The following PRPSAP1 variants were observed in gnomAD, a reference collection of about 807,000 sequenced individuals.
PRPSAP1 encodes the protein phosphoribosyl pyrophosphate synthetase associated protein 1.
PRPSAP1 carries 31 observed loss-of-function variants against 39.4 expected under a neutral mutation model. That is an observed-to-expected ratio of 0.79 (90% CI 0.59 to 1.06). The LOEUF (loss-of-function observed/expected upper bound fraction) is 1.06. Ranked by LOEUF, PRPSAP1 falls within the 50% of genes least tolerant of loss-of-function variation. The pLI is 0.00. For missense variants in PRPSAP1, 430 were observed against 511.6 expected (o/e 0.84, Z 1.54); for synonymous variants, 212 against 192.6 (o/e 1.10, Z -0.83).
Position 76,344,730 on chromosome 17 carries a change from T to C in PRPSAP1, c.231A>G (p.Arg77=), listed in dbSNP as rs1356716827. 6.4e-7 allele frequency: 1 copy of C among 1,569,150 alleles called. No individual in the cohort carries two copies. The highest frequency in any genetic ancestry group is 8.7e-7 in the Non-Finnish European group (1 of 1,150,960). The change falls in exon 3 of 10, where the codon AGA becomes AGG. Residue 77 remains arginine (R), a synonymous_variant. Transcript: ENST00000446526. ...CACGAACAGATTCTTTTATTTCAAC[T>C]CTTGTTTCTGAAAAATAAAAATGTT... is the stretch of plus-strand genomic sequence containing the variant. The part of the protein sequence containing the change: ...VVYQETNGET[R]VEIKESVRGQ...
chr17:76,310,154 AC>A lies in PRPSAP1; in HGVS notation c.*1387del, dbSNP rs1180101387. 4.0e-5 allele frequency: 6 copies of A among 150,520 alleles called. No individual in the cohort carries two copies. Among genetic ancestry groups the A allele is most frequent in the Admixed American group, 1.3e-4 (2 of 15,116 alleles). The allele number at this position is 150,520 out of a possible 1,614,324, so 9.3% of individuals were successfully genotyped here. On this transcript the variant is annotated 3_prime_UTR_variant, in exon 10 of 10. Coordinates refer to ENST00000446526, the MANE Select transcript of PRPSAP1 (RefSeq NM_002766.3). ...ACAGGCGTGCACCCCCTCCCCCAAC[AC>A]CCGGCTAATTTTTGTATTTTTAGTA... is the stretch of plus-strand genomic sequence containing the variant.
intron 1 of PRPSAP1, 78 bp from the exon 2 acceptor site, chr17:76,348,659 A>ATTTTTTTTT (rs2071536684): frequency 1.9e-6 from 2 of 1,052,554 alleles, no homozygotes; most frequent in Non-Finnish European, 2.7e-6. Flanking sequence ...GCATATGTCT[A>ATTTTTTTTT]ATAAAAAGAC....
intron 3 of PRPSAP1, among the ~76,000 whole-genome samples, chr17:76,337,736 T>G (rs982863929): frequency 1.3e-5 from 2 of 152,100 alleles, no homozygotes; most frequent in African/African-American, 4.8e-5. Flanking sequence ...CTTCCGAATA[T>G]CTGGGATTAC....
Position 76,353,662 on chromosome 17 carries a change from G to A in PRPSAP1, c.42C>T (p.Ser14=). ...KLLLLPPPSA[S]SAFRVPRARP... is the part of the protein sequence containing the mutation. The stretch of plus-strand genomic sequence containing the variant: ...GGGCGCGCGGGACGCGGAAAGCCGA[G>A]GACGCGGAGGGCGGGGGCAACAGCA... The change falls in exon 1 of 10, where the codon TCC becomes TCT. Residue 14 remains serine (S), a synonymous_variant. Coordinates refer to ENST00000446526, the MANE Select transcript of PRPSAP1 (RefSeq NM_002766.3). 6.6e-7 allele frequency: 1 copy of A among 1,525,994 alleles called. No homozygotes were observed. Among genetic ancestry groups the A allele is most frequent in the East Asian group, 2.6e-5 (1 of 38,374 alleles). The allele number at this position is 1,525,994 out of a possible 1,614,324, so 94.5% of individuals were successfully genotyped here.
intron 3 of PRPSAP1, among the ~76,000 whole-genome samples, chr17:76,336,275 T>C (rs1159521684): frequency 6.6e-6 from 1 of 151,974 alleles, no homozygotes; most frequent in Non-Finnish European, 1.5e-5. Context: ...CCGTCTCTAC[T>C]AAAAATTCAA....
chr17:76,344,359 G>A (rs2071472638), intron 3 of PRPSAP1, among the ~76,000 whole-genome samples: 1 of 152,154 alleles, frequency 6.6e-6, no homozygotes, highest in South Asian at 2.1e-4. Flanking sequence ...TCGATCTCCT[G>A]ACCTCGTGAT....
chr17:76,351,139 T>A (rs1182160254), intron 1 of PRPSAP1, among the ~76,000 whole-genome samples: 2 of 152,062 alleles, frequency 1.3e-5, no homozygotes, highest in Non-Finnish European at 2.9e-5. Flanking sequence ...AGCTCACGCC[T>A]ATAATCCCAG....
intron 3 of PRPSAP1, among the ~76,000 whole-genome samples, chr17:76,342,096 GACCCTC>G (rs1306118451): frequency 2.6e-5 from 4 of 152,074 alleles, no homozygotes; most frequent in Non-Finnish European, 5.9e-5. Context: ...ACAGGGCATG[GACCCTC>G]ACAACCAGAA....
intron 3 of PRPSAP1, among the ~76,000 whole-genome samples, chr17:76,341,063 T>C (rs752066830): frequency 6.6e-6 from 1 of 151,978 alleles, no homozygotes; most frequent in African/African-American, 2.4e-5. Context: ...AGATGATCCC[T>C]AAATACATGT....
intron 2 of PRPSAP1, among the ~76,000 whole-genome samples, chr17:76,346,717 T>C (rs1249999938): frequency 1.3e-5 from 2 of 152,362 alleles, no homozygotes; most frequent in African/African-American, 4.8e-5. Context: ...AGTGGCTTTC[T>C]GATTTTTGGT....
At chr17:76,327,838 A>G (rs1567802259) in intron 7 of PRPSAP1, among the ~76,000 whole-genome samples, 2 of 152,192 alleles carry the variant, frequency 1.3e-5, no homozygotes, top group South Asian at 2.1e-4. Context: ...AGAACCGTCC[A>G]TACACAGTCT....
intron 3 of PRPSAP1, among the ~76,000 whole-genome samples, chr17:76,335,366 T>C (rs559962300): frequency 1.3e-5 from 2 of 152,180 alleles, no homozygotes; most frequent in East Asian, 1.9e-4. Context: ...TTTTTTGTTT[T>C]GTTTTGGAGA....
At chr17:76,334,661 G>A (rs2071360342) in intron 3 of PRPSAP1, among the ~76,000 whole-genome samples, 1 of 151,948 alleles carries the variant, frequency 6.6e-6, no homozygotes, top group South Asian at 2.1e-4. Context: ...ATGTCTCCCT[G>A]AGGAGACTGA....
At chr17:76,333,681 C>T (rs193163538) in intron 3 of PRPSAP1, among the ~76,000 whole-genome samples, 1 of 151,880 alleles carries the variant, frequency 6.6e-6, no homozygotes, top group Non-Finnish European at 1.5e-5. Flanking sequence ...AAAAAAAAAC[C>T]TCCCTGGACC....
chr17:76,329,146 T>C (rs1440690353), intron 6 of PRPSAP1, among the ~76,000 whole-genome samples: 1 of 151,702 alleles, frequency 6.6e-6, no homozygotes, highest in Non-Finnish European at 1.5e-5. Flanking sequence ...CATGGCTCAC[T>C]GCAGCCTCAA....
Position 76,311,507 on chromosome 17 carries a change from C to T in PRPSAP1, c.*35G>A, listed in dbSNP as rs958436838. On this transcript the variant is annotated 3_prime_UTR_variant, in exon 10 of 10. Coordinates refer to ENST00000446526, the MANE Select transcript of PRPSAP1 (RefSeq NM_002766.3). ...CATGGCACTGCTTTTTCCATGTTTCCCTCAGGAGGTCCAGGGTCGAGACCC... is the reference window on the plus strand; with the variant it reads ...CATGGCACTGCTTTTTCCATGTTTCTCTCAGGAGGTCCAGGGTCGAGACCC... The T allele has an allele frequency of 1.3e-6, 2 of 1,594,036 alleles. No individual in the cohort carries two copies. Among genetic ancestry groups the T allele is most frequent in the Non-Finnish European group, 1.7e-6 (2 of 1,171,118 alleles).
chr17:76,348,828 G>T (rs577315820), intron 1 of PRPSAP1, among the ~76,000 whole-genome samples: 7 of 152,190 alleles, frequency 4.6e-5, no homozygotes, highest in Non-Finnish European at 1.0e-4. Flanking sequence ...GGTGCGCGTT[G>T]TTCTTTGAAT....
At position 76,353,538 on chromosome 17, in the gene PRPSAP1, T is replaced by C; in HGVS notation, c.166A>G (p.Thr56Ala). ...GCCCTCCCACCGCCCCCTTACTCTG[T>C]GATGCGCTTGGCCAGCTCCGTGCAG... ...AACTELAKRI[T>A]ERLGAELGKS... The change falls in exon 1 of 10, where the codon ACA becomes GCA. Residue 56 changes from threonine (T) to alanine (A), a missense_variant. By Grantham distance (58) the Thr-to-Ala change is moderately conservative. Transcript: ENST00000446526. 1 of 1,528,734 alleles carries C rather than the reference T, an allele frequency of 6.5e-7. No individual in the cohort carries two copies. The allele number at this position is 1,528,734 out of a possible 1,614,324, so 94.7% of individuals were successfully genotyped here.
At position 76,325,965 on chromosome 17, in the gene PRPSAP1, T is replaced by C. The variant is rs537469696; in HGVS notation, c.781+2752A>G. On this transcript the variant is annotated intron_variant, in intron 7 of 9. Transcript: ENST00000446526. ...AAATTAAGGTACGTACATTGGTTTT[T>C]AGACACAATGATATTGAGCATTTAA... is the stretch of plus-strand genomic sequence containing the variant. 3.9e-5 allele frequency among the ~76,000 whole-genome samples: 6 copies of C among 152,264 alleles called. No homozygotes were observed. In the South Asian group the frequency reaches 1.2e-3, roughly 32 times the overall value.
Sources: allele counts gnomAD v4.1 joint callset (sites outside exome capture counted in the v4.1 genomes callset), GRCh38; gene constraint gnomAD v4.1.1; transcripts MANE v1.5; gene names NCBI Gene and HGNC (gene_info 2026-07-23, HGNC 2026-07-21).